Variants in PHKB observed in about 807,000 individuals in gnomAD.
PHKB encodes the protein phosphorylase kinase regulatory subunit beta, also known as phosphorylase b kinase regulatory subunit beta.
A neutral mutation model predicts 152.1 loss-of-function variants in PHKB; 122 were observed. The observed-to-expected ratio is 0.80, with a 90% CI of 0.69 to 0.93. The LOEUF is 0.93. Ranked by LOEUF, PHKB falls within the 40% of genes least tolerant of loss-of-function variation. PHKB has a pLI of 0.00. For missense variants in PHKB, 1,304 were observed against 1,328.4 expected, an observed-to-expected ratio of 0.98 and a Z score of 0.29; for synonymous variants, 436 against 464.9, an observed-to-expected ratio of 0.94 and a Z score of 0.80.
At position 47,515,490 on chromosome 16, in the gene PHKB, T is replaced by G. The variant is rs748692385; in HGVS notation, c.514-31T>G. On this transcript the variant is annotated intron_variant, in intron 5 of 30. Transcript: ENST00000323584. ...TTTATAACTTGTTTTGGTTGTTTCC[T>G]TTAACCTTTTAATGTTTCTGTTTGT... 6.9e-6 allele frequency: 7 copies of G among 1,007,950 alleles called. No individual in the cohort carries two copies. The African/African-American group carries it at 1.1e-4, about 16-fold the overall frequency. 62.4% of individuals were successfully genotyped at this position (1,007,950 alleles called of 1,614,324 possible).
chr16:47,536,172 C>T (rs1970949119), intron 6 of PHKB, among the ~76,000 whole-genome samples: 1 of 152,186 alleles, frequency 6.6e-6, no homozygotes, highest in Non-Finnish European at 1.5e-5. Flanking sequence ...CTGTCTCAGC[C>T]TCCCAAGTAG....
Position 47,603,739 on chromosome 16 carries a change from G to A in PHKB, c.1364-7087G>A, listed in dbSNP as rs775247045. On this transcript the variant is annotated intron_variant, in intron 13 of 30. Transcript: ENST00000323584. The stretch of plus-strand genomic sequence containing the variant: ...AGGCTGGTCTCGAACTCCTGAGCTC[G>A]GGCAATCTGCCCGCCTTGGCCTCCC... Among the ~76,000 whole-genome samples, 53 of 152,012 alleles carry A rather than the reference G, an allele frequency of 3.5e-4. No homozygotes were observed. In the Middle Eastern group the frequency reaches 0.017, roughly 49 times the overall value.
Position 47,565,671 on chromosome 16 carries a change from T to C in PHKB, c.711-14624T>C, listed in dbSNP as rs995019994. The C allele has an allele frequency of 6.2e-6, 8 of 1,289,800 alleles. No homozygotes were observed. In the African/African-American group the frequency reaches 1.0e-4, roughly 16 times the overall value. The allele number at this position is 1,289,800 out of a possible 1,614,324, so 79.9% of individuals were successfully genotyped here. The stretch of plus-strand genomic sequence containing the variant: ...ACTTCCTGTCCTCGACCATCCCTGT[T>C]CCTGAGTTTCTTCACTTTGCCAGTT... On this transcript the variant is annotated intron_variant, in intron 7 of 30. Coordinates refer to ENST00000323584, the MANE Select transcript of PHKB (RefSeq NM_000293.3).
chr16:47,500,484 G>A (rs777720027), intron 3 of PHKB, among the ~76,000 whole-genome samples: 1 of 152,076 alleles, frequency 6.6e-6, no homozygotes, highest in Non-Finnish European at 1.5e-5. Flanking sequence ...GTGTTGATTG[G>A]TTTCAATAAT....
chr16:47,679,695 T>C (rs887274252), intron 26 of PHKB, among the ~76,000 whole-genome samples: 4 of 152,234 alleles, frequency 2.6e-5, no homozygotes, highest in Non-Finnish European at 5.9e-5. Flanking sequence ...TTTCTAGATA[T>C]ACAGTCATGT....
At chr16:47,463,613 C>G (rs754119724) in intron 1 of PHKB, 13 of 359,454 alleles carry the variant, frequency 3.6e-5, no homozygotes, top group Non-Finnish European at 5.8e-5. Flanking sequence ...AGCATTGTTA[C>G]ATAGTAGCAT....
At chr16:47,642,703 A>G (rs552949100) in intron 16 of PHKB, among the ~76,000 whole-genome samples, 1 of 152,182 alleles carries the variant, frequency 6.6e-6, no homozygotes, top group Non-Finnish European at 1.5e-5. Flanking sequence ...CTGGATCTTG[A>G]CATTAGGCAA....
At chr16:47,685,377 A>T (rs1165329774) in intron 26 of PHKB, among the ~76,000 whole-genome samples, 1 of 152,190 alleles carries the variant, frequency 6.6e-6, no homozygotes. Context: ...GTGAGCCAAG[A>T]TCACGCCATT....
At chr16:47,621,249 C>A (rs991073041) in intron 14 of PHKB, among the ~76,000 whole-genome samples, 1 of 152,092 alleles carries the variant, frequency 6.6e-6, no homozygotes, top group Admixed American at 6.5e-5. Context: ...TGTGCCCAGT[C>A]GCCAGACTGT....
Position 47,556,901 on chromosome 16 carries a change from G to A in PHKB, c.710+9353G>A, listed in dbSNP as rs1171139947. Among the ~76,000 whole-genome samples the A allele has an allele frequency of 6.6e-5, 10 of 152,234 alleles. 1 individual carries two copies. The East Asian group carries it at 1.7e-3, about 26-fold the overall frequency. On this transcript the variant is annotated intron_variant, in intron 7 of 30. Transcript: ENST00000323584. ...TCGGCTGTGAATCCATCTGGTCCTG[G>A]ACTCTTTTTGGTTGGCAAGCTATTG... is the stretch of plus-strand genomic sequence containing the variant.
intron 5 of PHKB, among the ~76,000 whole-genome samples, chr16:47,514,364 T>C (rs1395545819): frequency 6.6e-6 from 1 of 152,098 alleles, no homozygotes; most frequent in Non-Finnish European, 1.5e-5. Flanking sequence ...CTCAGAACCA[T>C]ACAAGCCAGT....
intron 7 of PHKB, among the ~76,000 whole-genome samples, chr16:47,558,131 A>C (rs1212635119): frequency 6.6e-6 from 1 of 150,442 alleles, no homozygotes; most frequent in Non-Finnish European, 1.5e-5. Flanking sequence ...AACTATCGCA[A>C]GGACAAAAAA....
At chr16:47,596,868 A>T (rs1972129777) in intron 13 of PHKB, among the ~76,000 whole-genome samples, 1 of 152,176 alleles carries the variant, frequency 6.6e-6, no homozygotes, top group African/African-American at 2.4e-5. Flanking sequence ...AGAAAACAGT[A>T]ACAGTCATGC....
At chr16:47,573,240 G>A (rs1298080581) in intron 7 of PHKB, among the ~76,000 whole-genome samples, 1 of 152,124 alleles carries the variant, frequency 6.6e-6, no homozygotes, top group East Asian at 1.9e-4. Context: ...TGTTACCCTG[G>A]GGAAACACTC....
At chr16:47,631,583 C>G (rs1159618881) in intron 14 of PHKB, among the ~76,000 whole-genome samples, 10 of 152,160 alleles carry the variant, frequency 6.6e-5, no homozygotes, top group Non-Finnish European at 5.9e-5. Context: ...CACCTATCAA[C>G]CCGTCATCTA....
At chr16:47,617,843 AC>A (rs1349649202) in intron 14 of PHKB, among the ~76,000 whole-genome samples, 1 of 152,082 alleles carries the variant, frequency 6.6e-6, no homozygotes, top group Non-Finnish European at 1.5e-5. Context: ...GACTCTTATC[AC>A]CCTTGCCAAA....
At position 47,547,433 on chromosome 16, in the gene PHKB, G is replaced by T; in HGVS notation, c.595G>T (p.Val199Phe). ...GLQIIYNTDE[V>F]SFIQNLVFCV... ...TATGTTTCATTTCTTTTTCTTTTAGGTCTCTTTTATTCAAAACCTTGTATT... is the reference window on the plus strand; with the variant it reads ...TATGTTTCATTTCTTTTTCTTTTAGTTCTCTTTTATTCAAAACCTTGTATT... Residue 199 changes from valine to phenylalanine, a missense_variant and splice_region_variant, in exon 7 of 31, where the codon GTC becomes TTC. Val to Phe is a conservative substitution (Grantham distance 50). Transcript: ENST00000323584. 1.9e-6 allele frequency: 3 copies of T among 1,569,958 alleles called. No homozygotes were observed. The South Asian group carries it at 3.3e-5, about 17-fold the overall frequency.
Position 47,647,084 on chromosome 16 carries a change from T to C in PHKB, c.1609-1449T>C, listed in dbSNP as rs552358773. Among the ~76,000 whole-genome samples the C allele has an allele frequency of 1.5e-3, 229 of 152,118 alleles. 2 individuals are homozygous for C. Among genetic ancestry groups the C allele is most frequent in the Admixed American group, 3.7e-3 (56 of 15,274 alleles). ...TATTTTGTAATACTTCTGCAGACTT[T>C]CCCCCTCAGTTTTTATTTATTTATT... On this transcript the variant is annotated intron_variant, in intron 16 of 30. Coordinates refer to ENST00000323584, the MANE Select transcript of PHKB (RefSeq NM_000293.3).
At chr16:47,676,834 G>A (rs1047698723) in intron 26 of PHKB, among the ~76,000 whole-genome samples, 1 of 152,200 alleles carries the variant, frequency 6.6e-6, no homozygotes, top group Non-Finnish European at 1.5e-5. Context: ...GCCCATTACT[G>A]TAAAGACCTC....
Sources: gnomAD v4.1 joint callset for allele counts (sites outside exome capture counted in the v4.1 genomes callset) on GRCh38, gnomAD v4.1.1 for gene constraint, MANE v1.5 for transcripts, NCBI Gene and HGNC (gene_info 2026-07-23, HGNC 2026-07-21) for gene names.